The following ARHGEF25 variants were observed in gnomAD, a reference collection of about 807,000 sequenced individuals.
The protein encoded by ARHGEF25 is RAC/CDC42 exchange factor.
In ARHGEF25, 42 loss-of-function variants were observed where a neutral mutation model predicts 74.0. The ratio of observed to expected loss-of-function variants is 0.57; its 90% confidence interval spans 0.44 to 0.73. ARHGEF25 has a LOEUF of 0.73. Among genes scored for constraint, ARHGEF25 ranks in the 30% least tolerant of loss-of-function variants. The pLI is 0.00. For missense variants in ARHGEF25, 645 were observed against 725.5 expected, an observed-to-expected ratio of 0.89 and a Z score of 1.27; for synonymous variants, 293 against 278.6, an observed-to-expected ratio of 1.05 and a Z score of -0.51.
At position 57,614,783 on chromosome 12, in the gene ARHGEF25, T is replaced by C; in HGVS notation, c.909+2T>C. 6.2e-7 allele frequency: 1 copy of C among 1,606,338 alleles called. No individual in the cohort carries two copies. The highest frequency in any genetic ancestry group is 8.5e-7 in the Non-Finnish European group (1 of 1,176,310). On this transcript the variant is annotated splice_donor_variant, in intron 9 of 14. Coordinates refer to ENST00000286494, the MANE Select transcript of ARHGEF25 (RefSeq NM_182947.4). LOFTEE classifies it high-confidence loss of function. The surrounding 1 kb of genome is among the most constrained non-coding windows in gnomAD (Gnocchi z 4.6). ...ATGAAATACCAGCTGCTGCTCAAGG[T>C]CAGGACCCCCTTTTTCCTGGGGGCA...
At chr12:57,610,175 G>A (rs1883974577), upstream of ARHGEF25, 1 of 1,246,542 alleles carries the variant, frequency 8.0e-7, no homozygotes, top group Non-Finnish European at 1.1e-6. Context: ...CAGCTTCAGT[G>A]CCCCCTCGAC....
Position 57,615,883 on chromosome 12 carries a change from G to A in ARHGEF25, c.1286G>A (p.Arg429His), listed in dbSNP as rs766237649. 32 of 1,613,990 alleles carry A rather than the reference G, an allele frequency of 2.0e-5. No individual in the cohort carries two copies. In the Admixed American group the frequency reaches 2.0e-4, roughly 10 times the overall value. Residue 429 changes from arginine to histidine, a missense_variant, in exon 13 of 15, where the codon CGC (arginine) becomes CAC (histidine). Arg to His is a conservative substitution (Grantham distance 29). Transcript: ENST00000286494. ...GGGAACCTCCAAGGTGACCCTTGCC[G>A]CTTTGCACTGACCTCCAGAGGGCCA... is the stretch of plus-strand genomic sequence containing the variant. ...LEGNLQGDPC[R>H]FALTSRGPEG...
At chr12:57,615,106 A>C in intron 10 of ARHGEF25, 89 bp downstream of exon 10, 1 of 1,582,930 alleles carries the variant, frequency 6.3e-7, no homozygotes, top group Admixed American at 1.7e-5. Context: ...GGTGGTTTAC[A>C]GCTGTCTGGT....
chr12:57,616,044 T>C (rs1428774115), intron 13 of ARHGEF25, 27 bp downstream of exon 13: 5 of 1,598,284 alleles, frequency 3.1e-6, no homozygotes, highest in Admixed American at 3.4e-5. Flanking sequence ...TTCTTCCCGA[T>C]GTGCTCTCTC....
intron 1 of ARHGEF25, 29 bp from the exon 2 acceptor site, chr12:57,612,901 A>G: frequency 1.2e-6 from 2 of 1,605,492 alleles, no homozygotes; most frequent in Non-Finnish European, 1.7e-6. Flanking sequence ...GGCAAGGTCT[A>G]TCACCTCCTC....
In ARHGEF25 at chr12:57,611,734, C is replaced by A; in HGVS notation, c.-161C>A. 3 of 1,190,736 alleles carry A rather than the reference C, an allele frequency of 2.5e-6. No homozygotes were observed. The highest frequency in any genetic ancestry group is 4.3e-5 in the South Asian group (1 of 23,126). The allele number at this position is 1,190,736 out of a possible 1,614,324, so 73.8% of individuals were successfully genotyped here. On this transcript the variant is annotated 5_prime_UTR_variant, in exon 1 of 15. Transcript: ENST00000286494. This position sits in a 1 kb window ranked among gnomAD's most constrained non-coding sequence, Gnocchi z 4.5. ...TCCTCAAGACTAGACTTCCGCCTAC[C>A]CCTGGACACCTCCTCCCGGTCCCCT...
At chr12:57,612,248 C>A in intron 1 of ARHGEF25, 1 of 267,796 alleles carries the variant, frequency 3.7e-6, no homozygotes, top group Non-Finnish European at 7.0e-6. Flanking sequence ...CCCACAATCC[C>A]CTTAGGCCTA....
In ARHGEF25 at chr12:57,615,899, C is replaced by T. The variant is rs1487119331; in HGVS notation, c.1302C>T (p.Ser434=). The change falls in exon 13 of 15, where the codon TCC becomes TCT. Residue 434 remains serine (S), a synonymous_variant. Coordinates refer to ENST00000286494, the MANE Select transcript of ARHGEF25 (RefSeq NM_182947.4). ...ACCCTTGCCGCTTTGCACTGACCTC[C>T]AGAGGGCCAGAGGGTGGGATCCAGC... The part of the protein sequence containing the change: ...QGDPCRFALT[S]RGPEGGIQRY... The T allele has an allele frequency of 1.1e-5, 18 of 1,614,118 alleles. No homozygotes were observed. Among genetic ancestry groups the T allele is most frequent in the Non-Finnish European group, 1.5e-5 (18 of 1,180,006 alleles).
Position 57,611,538 on chromosome 12 carries a change from C to T in ARHGEF25, c.-357C>T, listed in dbSNP as rs1016411800. On this transcript the variant is annotated 5_prime_UTR_variant, in exon 1 of 15. Coordinates refer to ENST00000286494, the MANE Select transcript of ARHGEF25 (RefSeq NM_182947.4). This position sits in a 1 kb window ranked among gnomAD's most constrained non-coding sequence, Gnocchi z 4.5. ...CCTAGAGCCACCCCTAACCAGAGGC[C>T]GGAGACAGCTGGAGCGGCTGCCGCA... is the stretch of plus-strand genomic sequence containing the variant. 1.1e-3 allele frequency: 1,054 copies of T among 989,982 alleles called. 3 individuals are homozygous for T. The highest frequency in any genetic ancestry group is 1.2e-3 in the Non-Finnish European group (1,025 of 833,146). 61.3% of individuals were successfully genotyped at this position (989,982 alleles called of 1,614,324 possible).
At position 57,611,869 on chromosome 12, in the gene ARHGEF25, G is replaced by A. The variant is rs768528758; in HGVS notation, c.-26G>A. Reference sequence around the variant, plus strand: ...TTCCCCCTGCATGGCCGGCCCGGGTGGGGGGCGCGGGGGGGCCCGGGCGCC... The same window carrying A: ...TTCCCCCTGCATGGCCGGCCCGGGTAGGGGGCGCGGGGGGGCCCGGGCGCC... On this transcript the variant is annotated 5_prime_UTR_variant, in exon 1 of 15. Coordinates refer to ENST00000286494, the MANE Select transcript of ARHGEF25 (RefSeq NM_182947.4). The surrounding 1 kb of genome is among the most constrained non-coding windows in gnomAD (Gnocchi z 4.5). The A allele has an allele frequency of 5.0e-6, 6 of 1,209,102 alleles. No individual in the cohort carries two copies. Among genetic ancestry groups the A allele is most frequent in the Admixed American group, 4.2e-5 (1 of 24,034 alleles). The allele number at this position is 1,209,102 out of a possible 1,614,324, so 74.9% of individuals were successfully genotyped here.
intron 1 of ARHGEF25, chr12:57,612,683 G>A: frequency 7.3e-7 from 1 of 1,370,836 alleles, no homozygotes; most frequent in East Asian, 2.7e-5. Flanking sequence ...TCAGGATATG[G>A]GGAACCTCCA....
rs1884316970 is a variant in ARHGEF25, at chr12:57,616,845, C to T, written c.1694C>T (p.Thr565Ile). 1.2e-6 allele frequency: 2 copies of T among 1,614,104 alleles called. No homozygotes were observed. Among genetic ancestry groups the T allele is most frequent in the Non-Finnish European group, 1.7e-6 (2 of 1,179,962 alleles). The change falls in exon 15 of 15, where the codon ACC becomes ATC. Residue 565 changes from threonine to isoleucine, a missense_variant. Around this residue, in one of 3 missense-constraint regions of ARHGEF25, gnomAD observed 262 missense variants for 256.9 expected, o/e 1.02. Transcript: ENST00000286494. ...CCTCCAGTCTCTCCAACTCCAAAAA[C>T]CCCTCCCTGCCAAGCCAGACTTGCC... Reference protein sequence around the residue: ...DSPPVSPTPKTPPCQARLAKL... With the variant: ...DSPPVSPTPKIPPCQARLAKL...
chr12:57,611,770 CT>C lies in ARHGEF25; in HGVS notation c.-124del, dbSNP rs1195859014. On this transcript the variant is annotated 5_prime_UTR_variant, in exon 1 of 15. Coordinates refer to ENST00000286494, the MANE Select transcript of ARHGEF25 (RefSeq NM_182947.4). This position sits in a 1 kb window ranked among gnomAD's most constrained non-coding sequence, Gnocchi z 4.5. ...TCCTCCCGGTCCCCTCCCTCCCCCC[CT>C]CCCACAGCCTGGACCGGGGTAGGAG... The C allele has an allele frequency of 1.2e-5, 14 of 1,149,654 alleles. No individual in the cohort carries two copies. The African/African-American group carries it at 1.4e-4, about 12-fold the overall frequency. The allele number at this position is 1,149,654 out of a possible 1,614,324, so 71.2% of individuals were successfully genotyped here. A position where few individuals can be genotyped will look rare whatever the true frequency, so the allele number is the denominator to read the frequency against.
rs200196512 is a variant in ARHGEF25 at position 57,615,290 on chromosome 12, G to A, written c.1014G>A (p.Thr338=). ...FVPKRCNDMM[T]LGRLRGFEGK... Reference sequence around the variant, plus strand: ...CCAAGCGCTGCAACGATATGATGACGCTGGGGAGATTGCGGGGATTTGAGG... The same window carrying A: ...CCAAGCGCTGCAACGATATGATGACACTGGGGAGATTGCGGGGATTTGAGG... The change falls in exon 11 of 15, where the codon ACG becomes ACA. Residue 338 remains threonine (T), a synonymous_variant. Coordinates refer to ENST00000286494, the MANE Select transcript of ARHGEF25 (RefSeq NM_182947.4). 2.3e-5 allele frequency: 37 copies of A among 1,609,430 alleles called. No individual in the cohort carries two copies. Among genetic ancestry groups the A allele is most frequent in the Middle Eastern group, 1.7e-4 (1 of 6,044 alleles).
rs114654905 is a variant in ARHGEF25 at position 57,614,436 on chromosome 12, T to C, written c.726+36T>C. ...AGGGGGCAGGGCCTGGGGCGGGGCT[T>C]AGGAATGGGCTGGGATTCTCTGGAG... On this transcript the variant is annotated intron_variant, in intron 7 of 14. Transcript: ENST00000286494. This position sits in a 1 kb window ranked among gnomAD's most constrained non-coding sequence, Gnocchi z 4.6. 520 of 1,614,024 alleles carry C rather than the reference T, an allele frequency of 3.2e-4. 1 individual carries two copies. In the African/African-American group the frequency reaches 6.5e-3, roughly 20 times the overall value.
rs763994084 is a variant in ARHGEF25, at chr12:57,616,929, C to A, written c.*35C>A. 3.3e-6 allele frequency: 5 copies of A among 1,524,072 alleles called. No individual in the cohort carries two copies. The South Asian group carries it at 3.4e-5, about 10-fold the overall frequency. The allele number at this position is 1,524,072 out of a possible 1,614,324, so 94.4% of individuals were successfully genotyped here. Reference sequence around the variant, plus strand: ...ACCATGGGGGTGGTGCTGACTCAGCCGCCTATTCCCCAAGGAGCTTCAGGG... The same window carrying A: ...ACCATGGGGGTGGTGCTGACTCAGCAGCCTATTCCCCAAGGAGCTTCAGGG... On this transcript the variant is annotated 3_prime_UTR_variant, in exon 15 of 15. Coordinates refer to ENST00000286494, the MANE Select transcript of ARHGEF25 (RefSeq NM_182947.4).
intron 1 of ARHGEF25, chr12:57,612,683 G>C: frequency 1.5e-6 from 2 of 1,370,836 alleles, no homozygotes; most frequent in Non-Finnish European, 1.9e-6. Context: ...TCAGGATATG[G>C]GGAACCTCCA....
At position 57,614,885 on chromosome 12, in the gene ARHGEF25, C is replaced by T. The variant is rs1884212939; in HGVS notation, c.910-82C>T. On this transcript the variant is annotated intron_variant, in intron 9 of 14. Transcript: ENST00000286494. This position sits in a 1 kb window ranked among gnomAD's most constrained non-coding sequence, Gnocchi z 4.6. Reference sequence around the variant, plus strand: ...CTCCCCCAGACTTCCTGAGGGCCCTCACTGGTGTCCTCAGGGGAGGATGTG... The same window carrying T: ...CTCCCCCAGACTTCCTGAGGGCCCTTACTGGTGTCCTCAGGGGAGGATGTG... The T allele has an allele frequency of 1.9e-6, 3 of 1,576,214 alleles. No homozygotes were observed. The highest frequency in any genetic ancestry group is 2.7e-5 in the African/African-American group (2 of 74,256).
At position 57,616,380 on chromosome 12, in the gene ARHGEF25, A is replaced by C. The variant is rs1564374; in HGVS notation, c.1517A>C (p.Gln506Pro). ...GGAGTGGGGAGCCCTGGAAGAATTC[A>C]GCTTGGAGATCAGGCCCAGGGCAGC... is the stretch of plus-strand genomic sequence containing the variant. ...GPGVGSPGRI[Q>P]LGDQAQGSTH... The change falls in exon 14 of 15, where the codon CAG (glutamine) becomes CCG (proline). Residue 506 changes from glutamine to proline, a missense_variant. Transcript: ENST00000286494. 1 of 1,613,844 alleles carries C rather than the reference A, an allele frequency of 6.2e-7. No homozygotes were observed. Among genetic ancestry groups the C allele is most frequent in the Admixed American group, 1.7e-5 (1 of 60,000 alleles).
Sources: allele counts gnomAD v4.1 joint callset, GRCh38; gene constraint gnomAD v4.1.1; regional missense constraint gnomAD v4.1.1; non-coding constraint Gnocchi (gnomAD v3.1); transcripts MANE v1.5; gene names NCBI Gene and HGNC (gene_info 2026-07-23, HGNC 2026-07-21).